The following ALS2 variants were observed in gnomAD, a reference collection of about 807,000 sequenced individuals.
ALS2 encodes alsin Rho guanine nucleotide exchange factor ALS2.
ALS2 carries 117 observed loss-of-function variants against 203.4 expected under a neutral mutation model. That is an observed-to-expected ratio of 0.58 (90% CI 0.50 to 0.67). The LOEUF is 0.67. ALS2 is among the 30% of genes least tolerant of loss of function. ALS2 has a pLI of 0.00. For synonymous variants in ALS2, 718 were observed against 725.9 expected (o/e 0.99, Z 0.17); for missense variants, 1,715 against 1,989.4 (o/e 0.86, Z 2.62).
chr2:201,724,487 C>T (rs1395170483), intron 20 of ALS2, 28 bp from the exon 21 acceptor site: 1 of 1,611,160 alleles, frequency 6.2e-7, no homozygotes, highest in Non-Finnish European at 8.5e-7. Context: ...GGATAATTAT[C>T]ACATGCACAT....
intron 25 of ALS2, among the ~76,000 whole-genome samples, chr2:201,714,981 C>T (rs1690275812): frequency 6.6e-6 from 1 of 152,176 alleles, no homozygotes; most frequent in South Asian, 2.1e-4. Context: ...CGTGATTGTG[C>T]CACATCTAGG....
rs778406073 is a variant in ALS2 at position 201,725,396 on chromosome 2, G to T, written c.3307C>A (p.His1103Asn). The change falls in exon 20 of 34, where the codon CAT becomes AAT. Residue 1103 changes from histidine to asparagine, a missense_variant. His to Asn is a moderately conservative substitution (Grantham distance 68). This residue lies in a region of ALS2 where 1,227 missense variants were observed against 1,413.5 expected (regional missense o/e 0.87). Transcript: ENST00000264276. ...AMNKEDHYVG[H>N]WKEGKMCGQG... is the part of the protein sequence containing the mutation. ...CCGCACATTTTTCCTTCTTTCCAAT[G>T]GCCCACATAATGGTCTTCTTTGTTC... 1.9e-5 allele frequency: 31 copies of T among 1,613,778 alleles called. No individual in the cohort carries two copies. The highest frequency in any genetic ancestry group is 2.7e-5 in the African/African-American group (2 of 74,836).
rs1187967058 is a variant in ALS2 at position 201,723,380 on chromosome 2, T to C, written c.3574A>G (p.Thr1192Ala). 6.2e-7 allele frequency: 1 copy of C among 1,614,124 alleles called. No homozygotes were observed. The highest frequency in any genetic ancestry group is 1.1e-5 in the South Asian group (1 of 91,072). ...CCCTCGTAGTATAATCCAAACTGGG[T>C]AACCACCACACCATTCCCTTGACAC... ...DVCQGNGVVVTQFGLYYEGNF... is the reference protein window; with the variant it reads ...DVCQGNGVVVAQFGLYYEGNF... Residue 1192 changes from threonine to alanine, a missense_variant, in exon 22 of 34, where the codon ACC (threonine) becomes GCC (alanine). Transcript: ENST00000264276.
chr2:201,702,894 T>C (rs1689476367), intron 33 of ALS2, among the ~76,000 whole-genome samples: 1 of 152,144 alleles, frequency 6.6e-6, no homozygotes, highest in East Asian at 1.9e-4. Context: ...GGCGGGTGGA[T>C]CATCTGAGGT....
chr2:201,743,082 A>AAC (rs1692392400), intron 10 of ALS2, among the ~76,000 whole-genome samples: 1 of 151,442 alleles, frequency 6.6e-6, no homozygotes, highest in African/African-American at 2.4e-5. Flanking sequence ...AAAAAAAAAA[A>AAC]AAAAGAAAGA....
chr2:201,707,921 T>C lies in ALS2; in HGVS notation c.4351A>G (p.Lys1451Glu). 1 of 1,613,618 alleles carries C rather than the reference T, an allele frequency of 6.2e-7. No homozygotes were observed. The highest frequency in any genetic ancestry group is 1.7e-4 in the Middle Eastern group (1 of 6,056). The stretch of plus-strand genomic sequence containing the variant: ...TCTGACTTCCCAGTGCAAAAAGACT[T>C]CCTTTCGGTTGGCAGAGGAGCAGAG... The part of the protein sequence containing the change: ...PLSAPLPTER[K>E]SFCTGKSDSR... Residue 1451 changes from lysine to glutamate, a missense_variant, in exon 28 of 34, where the codon AAG becomes GAG. Physicochemically the swap from Lys to Glu is moderately conservative, Grantham distance 56. Coordinates refer to ENST00000264276, the MANE Select transcript of ALS2 (RefSeq NM_020919.4).
chr2:201,751,041 T>TG (rs890869829), intron 7 of ALS2, among the ~76,000 whole-genome samples: 2 of 151,914 alleles, frequency 1.3e-5, no homozygotes, highest in African/African-American at 4.8e-5. Context: ...TTAGTAGAGA[T>TG]GGGGTTTCAC....
chr2:201,724,430 C>T lies in ALS2; in HGVS notation c.3377G>A (p.Cys1126Tyr), dbSNP rs1434598584. 3 of 1,613,970 alleles carry T rather than the reference C, an allele frequency of 1.9e-6. No individual in the cohort carries two copies. In the East Asian group the frequency reaches 6.7e-5, roughly 36 times the overall value. Residue 1126 changes from cysteine to tyrosine, a missense_variant, in exon 21 of 34, where the codon TGT becomes TAT. Cys to Tyr is a radical substitution (Grantham distance 194). Around this residue, in one of 3 missense-constraint regions of ALS2, gnomAD observed 1,227 missense variants for 1,413.5 expected, o/e 0.87. Coordinates refer to ENST00000264276, the MANE Select transcript of ALS2 (RefSeq NM_020919.4). ...SYASGEVFEGCFQDNMRHGHG... is the reference protein window; with the variant it reads ...SYASGEVFEGYFQDNMRHGHG... ...ACCATGACGCATATTATCTTGAAAA[C>T]AGCCCTCAAATACTTCACCAGAAGC...
chr2:201,720,414 G>A (rs1690694308), intron 23 of ALS2, among the ~76,000 whole-genome samples: 1 of 151,818 alleles, frequency 6.6e-6, no homozygotes, highest in Non-Finnish European at 1.5e-5. Flanking sequence ...AACAAAAAAT[G>A]CTTTTCAGCC....
intron 4 of ALS2, chr2:201,759,524 C>T (rs1693629305): frequency 1.0e-6 from 1 of 980,592 alleles, no homozygotes; most frequent in African/African-American, 1.8e-5. Flanking sequence ...ACAAAAACTT[C>T]CAATGTTTAA....
Position 201,738,711 on chromosome 2 carries a change from G to T in ALS2, c.2376C>A (p.Phe792Leu), listed in dbSNP as rs971772107. Residue 792 changes from phenylalanine to leucine, a missense_variant, in exon 12 of 34, where the codon TTC becomes TTA. This residue lies in a region of ALS2 where 1,227 missense variants were observed against 1,413.5 expected (regional missense o/e 0.87). Coordinates refer to ENST00000264276, the MANE Select transcript of ALS2 (RefSeq NM_020919.4). ...GAAGCTGGAATCCTCCCATAACCAG[G>T]AAATTTGTAATAGATGTGCAATACC... The part of the protein sequence containing the change: ...YTEYCTSITN[F>L]LVMGGFQLLA... The T allele has an allele frequency of 1.2e-6, 2 of 1,613,954 alleles. No individual in the cohort carries two copies. The highest frequency in any genetic ancestry group is 1.7e-6 in the Non-Finnish European group (2 of 1,179,974).
chr2:201,776,040 G>A (rs557186192), intron 1 of ALS2, among the ~76,000 whole-genome samples: 5 of 152,198 alleles, frequency 3.3e-5, no homozygotes, highest in African/African-American at 1.2e-4. Context: ...AGACTTCCAC[G>A]CTATAGATTT....
At chr2:201,718,644 A>G (rs1346327143) in intron 23 of ALS2, among the ~76,000 whole-genome samples, 1 of 152,198 alleles carries the variant, frequency 6.6e-6, no homozygotes, top group African/African-American at 2.4e-5. Flanking sequence ...CCAACTCTTT[A>G]AAACTCAAAC....
intron 19 of ALS2, 65 bp from the exon 20 acceptor site, chr2:201,725,519 A>G: frequency 7.9e-7 from 1 of 1,261,802 alleles, no homozygotes; most frequent in Non-Finnish European, 1.2e-6. Flanking sequence ...TTTTGTATGT[A>G]TATCCTGGTA....
intron 3 of ALS2, 67 bp from the exon 4 acceptor site, chr2:201,761,885 C>G: frequency 6.5e-7 from 1 of 1,538,872 alleles, no homozygotes; most frequent in Non-Finnish European, 8.9e-7. Flanking sequence ...ATTTTAACAG[C>G]AAACTTTTAG....
intron 5 of ALS2, among the ~76,000 whole-genome samples, 169 bp from the exon 6 acceptor site, chr2:201,754,840 G>A (rs1366686766): frequency 2.0e-5 from 3 of 152,142 alleles, no homozygotes; most frequent in Admixed American, 2.0e-4. Flanking sequence ...AATGAAATTG[G>A]TAAATACTCA....
chr2:201,759,100 G>A (rs1325290295), intron 4 of ALS2, among the ~76,000 whole-genome samples: 1 of 152,068 alleles, frequency 6.6e-6, no homozygotes, highest in Non-Finnish European at 1.5e-5. Context: ...GTATTTAGAG[G>A]TAACTATTTT....
intron 16 of ALS2, 22 bp downstream of exon 16, chr2:201,727,683 T>TG: frequency 3.2e-6 from 3 of 951,258 alleles, no homozygotes; most frequent in African/African-American, 2.0e-5. Flanking sequence ...CGGGGTGGGG[T>TG]GGGGAGGGGG....
intron 15 of ALS2, 75 bp from the exon 16 acceptor site, chr2:201,727,850 T>C (rs1325423248): frequency 2.2e-6 from 3 of 1,370,406 alleles, no homozygotes; most frequent in South Asian, 1.2e-5. Context: ...ATCCCCTTCA[T>C]GTCATTAACC....
Sources: gnomAD v4.1 joint callset for allele counts (sites outside exome capture counted in the v4.1 genomes callset) on GRCh38, gnomAD v4.1.1 for gene constraint, gnomAD v4.1.1 regional missense constraint, MANE v1.5 for transcripts, NCBI Gene and HGNC (gene_info 2026-07-23, HGNC 2026-07-21) for gene names.